Variants in CDKN2B-AS1 observed in about 807,000 individuals in gnomAD.
CDKN2B-AS1 encodes the protein CDKN2B and CDKN2A antisense cis and trans regulatory RNA 1.
Position 22,062,986 on chromosome 9 carries a change from C to CACACACACATATAT in CDKN2B-AS1, n.438+6600_438+6601insCACACACATATATA, listed in dbSNP as rs374229516. 6.6e-5 allele frequency among the ~76,000 whole-genome samples: 9 copies of CACACACACATATAT among 136,822 alleles called. No individual in the cohort carries two copies. In the South Asian group the frequency reaches 2.3e-3, roughly 34 times the overall value. The allele number at this position is 136,822 out of a possible 152,430, so 89.8% of individuals were successfully genotyped here. ...TGTGTGTGAAAGACAGACACACACA[C>CACACACACATATAT]ATATATATATATAGAGAGAGAGAGA... On this transcript the variant is annotated intron_variant and non_coding_transcript_variant, in intron 4 of 4. Transcript: ENST00000650946.
chr9:22,066,256 C>G (rs1307499158), intron 4 of CDKN2B-AS1: 2 of 151,818 alleles, frequency 1.3e-5, no homozygotes, highest in African/African-American at 2.4e-5. Context: ...CTCTGTCACC[C>G]AGGCTGGAGT....
intron 1 of CDKN2B-AS1, among the ~76,000 whole-genome samples, chr9:22,036,089 A>G (rs1822677742): frequency 6.6e-6 from 1 of 152,006 alleles, no homozygotes; most frequent in Non-Finnish European, 1.5e-5. Flanking sequence ...CTCCTTTCTT[A>G]TCATGAAGAA....
At chr9:22,021,840 G>A (rs1381152960) in intron 1 of CDKN2B-AS1, among the ~76,000 whole-genome samples, 1 of 152,042 alleles carries the variant, frequency 6.6e-6, no homozygotes, top group Non-Finnish European at 1.5e-5. Context: ...GAATAGAAGT[G>A]TTGAATAGAA....
At chr9:22,066,516 A>G (rs1056931114) in intron 4 of CDKN2B-AS1, among the ~76,000 whole-genome samples, 1 of 151,798 alleles carries the variant, frequency 6.6e-6, no homozygotes, top group Admixed American at 6.6e-5. Context: ...TTCAAATTAC[A>G]TTTTCTGCCT....
rs1380384237 is a variant in CDKN2B-AS1 at position 22,091,577 on chromosome 9, C to G, written n.438+35190C>G. ...AAGTTGGATTCCTAGGTATTTTATT[C>G]TCTTTGAAGGAATTGTGAATGGGAG... On this transcript the variant is annotated intron_variant and non_coding_transcript_variant, in intron 4 of 4. Coordinates refer to ENST00000650946, the Ensembl canonical transcript of CDKN2B-AS1. Among the ~76,000 whole-genome samples the G allele has an allele frequency of 3.3e-5, 5 of 152,224 alleles. No homozygotes were observed. The South Asian group carries it at 6.2e-4, about 19-fold the overall frequency.
chr9:22,103,421 G>C (rs1825557766), intron 4 of CDKN2B-AS1, among the ~76,000 whole-genome samples: 1 of 152,040 alleles, frequency 6.6e-6, no homozygotes. Flanking sequence ...CTACAGCTGG[G>C]GGTTGCCAGA....
intron 4 of CDKN2B-AS1, among the ~76,000 whole-genome samples, chr9:22,096,123 A>C (rs979084246): frequency 2.6e-5 from 4 of 152,190 alleles, no homozygotes; most frequent in Admixed American, 2.6e-4. Context: ...AGGGAATAGC[A>C]CATGTAAGGC....
chr9:22,006,380 G>T lies in CDKN2B-AS1; in HGVS notation n.29+11219G>T. The T allele has an allele frequency of 8.3e-7, 1 of 1,199,012 alleles. No individual in the cohort carries two copies. Among genetic ancestry groups the T allele is most frequent in the Non-Finnish European group, 1.2e-6 (1 of 844,748 alleles). 74.3% of individuals were successfully genotyped at this position (1,199,012 alleles called of 1,614,324 possible). ...TTTCACCCAGTGCAGAGGTGTTCAG[G>T]TCTCTGATGTCTGGTGTTTCTTCAT... On this transcript the variant is annotated intron_variant and non_coding_transcript_variant, in intron 1 of 4. Transcript: ENST00000650946. The surrounding 1 kb of genome is among the most constrained non-coding windows in gnomAD (Gnocchi z 6.4).
intron 3 of CDKN2B-AS1, among the ~76,000 whole-genome samples, chr9:22,052,769 C>G (rs1423486399): frequency 6.6e-6 from 1 of 152,210 alleles, no homozygotes; most frequent in African/African-American, 2.4e-5. Flanking sequence ...CTTTGTTAAC[C>G]TGAATTGGGT....
At chr9:22,023,507 G>A (rs1447777856) in intron 1 of CDKN2B-AS1, among the ~76,000 whole-genome samples, 1 of 151,992 alleles carries the variant, frequency 6.6e-6, no homozygotes, top group East Asian at 1.9e-4. Flanking sequence ...GCTGAGGTGG[G>A]TGGATCATTT....
intron 4 of CDKN2B-AS1, among the ~76,000 whole-genome samples, chr9:22,062,796 CA>C (rs1252897336): frequency 6.6e-6 from 1 of 151,418 alleles, no homozygotes; most frequent in Non-Finnish European, 1.5e-5. Flanking sequence ...CTTATTTGAA[CA>C]GGGTTAAAAA....
chr9:22,085,973 C>T (rs1019556821), intron 4 of CDKN2B-AS1, among the ~76,000 whole-genome samples: 2 of 151,882 alleles, frequency 1.3e-5, no homozygotes, highest in Non-Finnish European at 2.9e-5. Flanking sequence ...CACAAACCCT[C>T]GAGAGGCAGG....
At chr9:22,095,278 C>G (rs1825234576) in intron 4 of CDKN2B-AS1, among the ~76,000 whole-genome samples, 1 of 144,698 alleles carries the variant, frequency 6.9e-6, no homozygotes, top group Non-Finnish European at 1.5e-5. Flanking sequence ...CCTGAGGAGG[C>G]AGTCTGTCCA....
chr9:22,041,154 A>G (rs1444618763), intron 1 of CDKN2B-AS1, among the ~76,000 whole-genome samples: 2 of 152,046 alleles, frequency 1.3e-5, no homozygotes, highest in African/African-American at 4.8e-5. Context: ...TGGGATAAAG[A>G]GAAAATGTGT....
intron 4 of CDKN2B-AS1, among the ~76,000 whole-genome samples, chr9:22,087,180 G>A (rs1824893435): frequency 6.6e-6 from 1 of 152,194 alleles, no homozygotes; most frequent in African/African-American, 2.4e-5. Context: ...TATGAAATGG[G>A]AGGGCAAATA....
chr9:22,113,832 A>G (rs1472950443), intron 4 of CDKN2B-AS1: 1 of 152,198 alleles, frequency 6.6e-6, no homozygotes, highest in Non-Finnish European at 1.5e-5. Context: ...ATGTGTTCCT[A>G]TTGGCTGAAA....
At chr9:22,021,936 C>T (rs763708586) in intron 1 of CDKN2B-AS1, among the ~76,000 whole-genome samples, 40 of 152,100 alleles carry the variant, frequency 2.6e-4, no homozygotes, top group Non-Finnish European at 3.4e-4. Flanking sequence ...CAGGAGCAGG[C>T]GTTTCACTTT....
At chr9:22,112,873 G>T (rs1432272909) in intron 4 of CDKN2B-AS1, among the ~76,000 whole-genome samples, 1 of 152,020 alleles carries the variant, frequency 6.6e-6, no homozygotes, top group Non-Finnish European at 1.5e-5. Context: ...ATGAGGTAAG[G>T]CCTAAAATAA....
chr9:22,111,916 C>T (rs1825814937), intron 4 of CDKN2B-AS1, among the ~76,000 whole-genome samples: 1 of 152,112 alleles, frequency 6.6e-6, no homozygotes, highest in Non-Finnish European at 1.5e-5. Context: ...GTAACTATGG[C>T]AGTTAGTGTT....
Sources: gnomAD v4.1 joint callset for allele counts (sites outside exome capture counted in the v4.1 genomes callset) on GRCh38, gnomAD v4.1.1 for gene constraint, Gnocchi (gnomAD v3.1) non-coding constraint, MANE v1.5 for transcripts, NCBI Gene and HGNC (gene_info 2026-07-23, HGNC 2026-07-21) for gene names.